UAP1L1: variants seen among roughly 807,000 people sequenced by gnomAD.
UAP1L1 encodes the protein UDP-N-acetylglucosamine pyrophosphorylase 1 like 1.
UAP1L1 carries 45 observed loss-of-function variants against 45.3 expected under a neutral mutation model. The ratio of observed to expected loss-of-function variants is 0.99; its 90% CI spans 0.78 to 1.27. The LOEUF (loss-of-function observed/expected upper bound fraction) is 1.27, where lower values mean the gene tolerates loss of function less well. Ranked by LOEUF, UAP1L1 falls within the 50% of genes most tolerant of loss-of-function variation. The pLI is 0.00. For synonymous variants in UAP1L1, 323 were observed against 303.9 expected (o/e 1.06, Z -0.65); for missense variants, 667 against 694.0 (o/e 0.96, Z 0.44).
intron 7 of UAP1L1, 144 bp downstream of exon 7, chr9:137,081,018 T>A: frequency 1.2e-6 from 1 of 853,170 alleles, no homozygotes; most frequent in Non-Finnish European, 1.7e-6. Context: ...CAGGTAGCCT[T>A]GTGCCCAGCC....
Position 137,083,599 on chromosome 9 carries a change from G to C in UAP1L1, c.*870G>C, listed in dbSNP as rs1033697659. ...GTCAGAGGCACCACCCCTCACCCCA[G>C]CTGCCTGCTGCTTCTGACGGATCTT... On this transcript the variant is annotated 3_prime_UTR_variant, in exon 9 of 9. Transcript: ENST00000409858. 1 of 152,340 alleles carries C rather than the reference G, an allele frequency of 6.6e-6. No homozygotes were observed. The highest frequency in any genetic ancestry group is 1.5e-5 in the Non-Finnish European group (1 of 68,082). The allele number at this position is 152,340 out of a possible 1,614,324, so 9.4% of individuals were successfully genotyped here. A position where few individuals can be genotyped will look rare whatever the true frequency, so the allele number is the denominator to read the frequency against.
At chr9:137,080,256 G>A in intron 6 of UAP1L1, 114 bp downstream of exon 6, 1 of 1,411,762 alleles carries the variant, frequency 7.1e-7, no homozygotes, top group Non-Finnish European at 9.8e-7. Flanking sequence ...GGGCCCCGCG[G>A]GCAAGTCTCA....
chr9:137,078,390 C>G (rs967951043), intron 2 of UAP1L1, 112 bp from the exon 3 acceptor site: 3 of 1,588,630 alleles, frequency 1.9e-6, no homozygotes, highest in Non-Finnish European at 8.6e-7. Flanking sequence ...GGGCCTGGCC[C>G]CAGCCCCAAC....
At chr9:137,081,458 G>A (rs768561659) in intron 7 of UAP1L1, among the ~76,000 whole-genome samples, 8 of 151,466 alleles carry the variant, frequency 5.3e-5, no homozygotes, top group Non-Finnish European at 8.8e-5. Flanking sequence ...TGATCTGCCC[G>A]CCTCGGCCTC....
At chr9:137,079,480 G>C in intron 5 of UAP1L1, 31 bp downstream of exon 5, 1 of 1,558,332 alleles carries the variant, frequency 6.4e-7, no homozygotes, top group Non-Finnish European at 8.7e-7. Context: ...GCGGATTGCC[G>C]GCCAGAGCCG....
intron 5 of UAP1L1, 113 bp from the exon 6 acceptor site, chr9:137,079,889 C>T: frequency 7.7e-7 from 1 of 1,305,918 alleles, no homozygotes; most frequent in African/African-American, 1.5e-5. Flanking sequence ...CCTGTAGTGT[C>T]CTTCTGCCAT....
Position 137,082,997 on chromosome 9 carries a change from T to G in UAP1L1, c.*268T>G. On this transcript the variant is annotated 3_prime_UTR_variant, in exon 9 of 9. Transcript: ENST00000409858. The surrounding 1 kb of genome is among the most constrained non-coding windows in gnomAD (Gnocchi z 5.7). Reference sequence around the variant, plus strand: ...CCTGCTGGGGGCTCTGTGGCTCCATTCCTGGCTGTGGGGTCTAGTCAAGAG... The same window carrying G: ...CCTGCTGGGGGCTCTGTGGCTCCATGCCTGGCTGTGGGGTCTAGTCAAGAG... 2 of 457,282 alleles carry G rather than the reference T, an allele frequency of 4.4e-6. No homozygotes were observed. The highest frequency in any genetic ancestry group is 8.1e-6 in the Non-Finnish European group (2 of 246,146). The allele number at this position is 457,282 out of a possible 1,614,324, so 28.3% of individuals were successfully genotyped here.
chr9:137,077,661 C>T lies in UAP1L1; in HGVS notation c.129C>T (p.Pro43=). 1 of 1,239,764 alleles carries T rather than the reference C, an allele frequency of 8.1e-7. No homozygotes were observed. Among genetic ancestry groups the T allele is most frequent in the Non-Finnish European group, 1.0e-6 (1 of 981,822 alleles). The allele number at this position is 1,239,764 out of a possible 1,614,324, so 76.8% of individuals were successfully genotyped here. ...TGGCGGAGCTGGCGCTGCTGGAGCC[C>T]GAGGCGCTGCGCGAGCACTGCCGGC... is the stretch of plus-strand genomic sequence containing the variant. ...ALLAELALLE[P]EALREHCRRA... is the part of the protein sequence containing the mutation. The change falls in exon 1 of 9, where the codon CCC becomes CCT. Residue 43 remains proline (P), a synonymous_variant. Coordinates refer to ENST00000409858, the MANE Select transcript of UAP1L1 (RefSeq NM_207309.3). This position sits in a 1 kb window ranked among gnomAD's most constrained non-coding sequence, Gnocchi z 4.7.
rs925979249 is a variant in UAP1L1, at chr9:137,084,194, CT to C, written c.*1474del. 7.9e-5 allele frequency: 12 copies of C among 151,632 alleles called. No homozygotes were observed. The highest frequency in any genetic ancestry group is 4.2e-4 in the South Asian group (2 of 4,794). 9.4% of individuals were successfully genotyped at this position (151,632 alleles called of 1,614,324 possible). A position where few individuals can be genotyped will look rare whatever the true frequency, so the allele number is the denominator to read the frequency against. ...ACAAGCACAGTTAGTTGGGTGAAGTCTTTTTTTTTGTTTGTTTTAGACGGAG... is the reference window on the plus strand; with the variant it reads ...ACAAGCACAGTTAGTTGGGTGAAGTCTTTTTTTTGTTTGTTTTAGACGGAG... On this transcript the variant is annotated 3_prime_UTR_variant, in exon 9 of 9. Coordinates refer to ENST00000409858, the MANE Select transcript of UAP1L1 (RefSeq NM_207309.3).
chr9:137,079,256 G>A lies in UAP1L1; in HGVS notation c.844G>A (p.Val282Met). Reference protein sequence around the residue: ...VLQGADCGAKVVEKAYPEEPV... With the variant: ...VLQGADCGAKMVEKAYPEEPV... Reference sequence around the variant, plus strand: ...AACCCATCCCTGGTCTTGGCTGCAGGTGGTGGAAAAGGCATACCCCGAGGA... The same window carrying A: ...AACCCATCCCTGGTCTTGGCTGCAGATGGTGGAAAAGGCATACCCCGAGGA... The change falls in exon 5 of 9, where the codon GTG becomes ATG. Residue 282 changes from valine to methionine, a missense_variant and splice_region_variant. By Grantham distance (21) the Val-to-Met change is conservative. Transcript: ENST00000409858. The A allele has an allele frequency of 4.4e-6, 7 of 1,608,528 alleles. No individual in the cohort carries two copies. Among genetic ancestry groups the A allele is most frequent in the African/African-American group, 1.3e-5 (1 of 74,892 alleles).
Position 137,077,707 on chromosome 9 carries a change from C to T in UAP1L1, c.175C>T (p.Arg59Cys). Residue 59 changes from arginine (R) to cysteine (C), a missense_variant, in exon 1 of 9, where the codon CGC (arginine) becomes TGC (cysteine). Coordinates refer to ENST00000409858, the MANE Select transcript of UAP1L1 (RefSeq NM_207309.3). The surrounding 1 kb of genome is among the most constrained non-coding windows in gnomAD (Gnocchi z 4.7). ...HCRRAAEACARPHGPPPDLAA... is the reference protein window; with the variant it reads ...HCRRAAEACACPHGPPPDLAA... ...CCGGCGGGCGGCGGAGGCCTGCGCG[C>T]GCCCCCACGGCCCGCCGCCCGACTT... 8.7e-7 allele frequency: 1 copy of T among 1,151,810 alleles called. No individual in the cohort carries two copies. The highest frequency in any genetic ancestry group is 4.2e-5 in the South Asian group (1 of 23,796). The allele number at this position is 1,151,810 out of a possible 1,614,324, so 71.3% of individuals were successfully genotyped here.
At chr9:137,078,924 A>G (rs1218297179) in intron 3 of UAP1L1, 52 bp from the exon 4 acceptor site, 1 of 1,541,642 alleles carries the variant, frequency 6.5e-7, no homozygotes, top group African/African-American at 1.4e-5. Context: ...AGACTCCCAG[A>G]GCGATCCCTG....
chr9:137,080,312 C>G, intron 6 of UAP1L1, 170 bp downstream of exon 6: 1 of 820,446 alleles, frequency 1.2e-6, no homozygotes, highest in Non-Finnish European at 1.9e-6. Context: ...TAAGCAGCCC[C>G]TGAGGTGGGG....
intron 5 of UAP1L1, 78 bp downstream of exon 5, chr9:137,079,527 C>T: frequency 1.4e-6 from 2 of 1,403,956 alleles, no homozygotes; most frequent in Non-Finnish European, 1.9e-6. Context: ...TCCCAGTGAG[C>T]TGAGTGCCCT....
Position 137,078,625 on chromosome 9 carries a change from C to T in UAP1L1, c.618C>T (p.Thr206=). 1 of 1,613,106 alleles carries T rather than the reference C, an allele frequency of 6.2e-7. No homozygotes were observed. The highest frequency in any genetic ancestry group is 8.5e-7 in the Non-Finnish European group (1 of 1,179,998). ...MFEQRLLPAV[T]FDGKVILERK... Reference sequence around the variant, plus strand: ...AGCAGCGCCTGCTGCCTGCTGTGACCTTTGATGGCAAGGTTATCCTGGAGC... The same window carrying T: ...AGCAGCGCCTGCTGCCTGCTGTGACTTTTGATGGCAAGGTTATCCTGGAGC... The change falls in exon 3 of 9, where the codon ACC becomes ACT. Residue 206 remains threonine (T), a synonymous_variant. Transcript: ENST00000409858.
Position 137,077,879 on chromosome 9 carries a change from GGA to G in UAP1L1, c.289+59_289+60del, listed in dbSNP as rs1381122580. The G allele has an allele frequency of 5.5e-6, 8 of 1,464,186 alleles. 1 individual carries two copies. Among genetic ancestry groups the G allele is most frequent in the Admixed American group, 4.6e-5 (2 of 43,146 alleles). 90.7% of individuals were successfully genotyped at this position (1,464,186 alleles called of 1,614,324 possible). A position where few individuals can be genotyped will look rare whatever the true frequency, so the allele number is the denominator to read the frequency against. ...GGGGGTCGTGCCCACGGAGCGGGTG[GGA>G]ACCGAGGCCGCGCTCGGGGAACTGT... On this transcript the variant is annotated intron_variant, in intron 1 of 8. Coordinates refer to ENST00000409858, the MANE Select transcript of UAP1L1 (RefSeq NM_207309.3). The surrounding 1 kb of genome is among the most constrained non-coding windows in gnomAD (Gnocchi z 4.7).
At chr9:137,078,785 G>C (rs1832739099) in intron 3 of UAP1L1, 108 bp downstream of exon 3, 2 of 1,350,666 alleles carry the variant, frequency 1.5e-6, no homozygotes, top group South Asian at 1.5e-5. Context: ...GTGTGGTCCT[G>C]GGTTAGGCGC....
chr9:137,081,363 G>A (rs1832785526), intron 7 of UAP1L1, among the ~76,000 whole-genome samples: 1 of 150,388 alleles, frequency 6.6e-6, no homozygotes, highest in Non-Finnish European at 1.5e-5. Flanking sequence ...CACCACGCCC[G>A]GCTCATTTTT....
Position 137,078,485 on chromosome 9 carries a change from C to G in UAP1L1, c.495-17C>G, listed in dbSNP as rs764996965. ...GCCAGGCGTACTCGCGGCCGGCTCA[C>G]CGCGCCTCCCTTGCAGGTACGTCAT... On this transcript the variant is annotated splice_polypyrimidine_tract_variant and intron_variant, in intron 2 of 8. Coordinates refer to ENST00000409858, the MANE Select transcript of UAP1L1 (RefSeq NM_207309.3). 9 of 1,612,760 alleles carry G rather than the reference C, an allele frequency of 5.6e-6. No homozygotes were observed. The highest frequency in any genetic ancestry group is 4.0e-5 in the African/African-American group (3 of 74,956).
Sources: allele counts gnomAD v4.1 joint callset (sites outside exome capture counted in the v4.1 genomes callset), GRCh38; gene constraint gnomAD v4.1.1; non-coding constraint Gnocchi (gnomAD v3.1); transcripts MANE v1.5; gene names NCBI Gene and HGNC (gene_info 2026-07-23, HGNC 2026-07-21).